TRPM3: variants seen among roughly 807,000 people sequenced by gnomAD.
TRPM3 encodes long transient receptor potential channel 3.
Under a neutral mutation model 181.2 loss-of-function variants are expected in TRPM3, and 77 were observed. The ratio of observed to expected loss-of-function variants is 0.42; its 90% CI spans 0.35 to 0.51. The LOEUF (loss-of-function observed/expected upper bound fraction) is 0.51. Ranked by LOEUF, TRPM3 falls within the 20% of genes least tolerant of loss-of-function variation. TRPM3 has a pLI of 0.01. For synonymous variants in TRPM3, 745 were observed against 796.4 expected, an observed-to-expected ratio of 0.94 and a Z score of 1.09; for missense variants, 1,759 against 2,196.7, an observed-to-expected ratio of 0.80 and a Z score of 3.98.
At chr9:70,989,416 A>G (rs960645117) in intron 1 of TRPM3, among the ~76,000 whole-genome samples, 3 of 152,166 alleles carry the variant, frequency 2.0e-5, no homozygotes, top group Non-Finnish European at 4.4e-5. Context: ...CAACCTTCCT[A>G]TCTTGCCCAC....
At chr9:70,701,246 T>C (rs1327067719) in intron 8 of TRPM3, among the ~76,000 whole-genome samples, 3 of 152,248 alleles carry the variant, frequency 2.0e-5, no homozygotes, top group Admixed American at 2.0e-4. Context: ...TCTTTTGTTG[T>C]GACTTAGCGA....
intron 1 of TRPM3, among the ~76,000 whole-genome samples, chr9:70,932,505 G>T (rs555970623): frequency 6.6e-6 from 1 of 152,260 alleles, no homozygotes; most frequent in East Asian, 1.9e-4. Flanking sequence ...GTATTTGAAT[G>T]AATAATTAAG....
chr9:71,209,583 T>TGA (rs1284129960), intron 1 of TRPM3, among the ~76,000 whole-genome samples: 1 of 152,174 alleles, frequency 6.6e-6, no homozygotes, highest in Non-Finnish European at 1.5e-5. Context: ...TGGCAAAATT[T>TGA]GAGAGAGAGG....
At chr9:71,229,426 T>C (rs540422633) in intron 1 of TRPM3, among the ~76,000 whole-genome samples, 1 of 152,212 alleles carries the variant, frequency 6.6e-6, no homozygotes. Flanking sequence ...TCTTGAGTAA[T>C]ACCCCACAAG....
intron 1 of TRPM3, among the ~76,000 whole-genome samples, chr9:70,930,063 A>G (rs2096760341): frequency 6.6e-6 from 1 of 152,222 alleles, no homozygotes; most frequent in African/African-American, 2.4e-5. Flanking sequence ...GGTAGTGAAT[A>G]GTGGAGTTCG....
intron 22 of TRPM3, among the ~76,000 whole-genome samples, chr9:70,559,938 T>C (rs1299350402): frequency 9.2e-5 from 14 of 152,202 alleles, no homozygotes; most frequent in Admixed American, 9.2e-4. Context: ...CTGAGGACCC[T>C]GCCCCCTGTG....
At chr9:71,006,543 C>T (rs1462973805) in intron 1 of TRPM3, among the ~76,000 whole-genome samples, 1 of 152,024 alleles carries the variant, frequency 6.6e-6, no homozygotes, top group Non-Finnish European at 1.5e-5. Context: ...AGCAAAATCC[C>T]CACAGGAGAA....
chr9:70,821,036 C>T (rs903587503), intron 6 of TRPM3, among the ~76,000 whole-genome samples: 7 of 152,130 alleles, frequency 4.6e-5, no homozygotes, highest in Middle Eastern at 6.8e-3. Flanking sequence ...AGCTGAAAGT[C>T]GAATTTGCAA....
rs754270839 is a variant in TRPM3, at chr9:71,065,831, G to A, written c.177+55347C>T. Among the ~76,000 whole-genome samples, 54 of 152,160 alleles carry A rather than the reference G, an allele frequency of 3.5e-4. 1 individual carries two copies. Among genetic ancestry groups the A allele is most frequent in the Admixed American group, 1.2e-3 (18 of 15,268 alleles). The stretch of plus-strand genomic sequence containing the variant: ...TTCTTATCAGCTTTCTAAGTCCACA[G>A]TAGGAGAGCAGCAACACAATACGTG... On this transcript the variant is annotated intron_variant, in intron 1 of 25. Transcript: ENST00000677713.
At chr9:71,309,294 C>A (rs1319680262) in intron 1 of TRPM3, among the ~76,000 whole-genome samples, 2 of 152,100 alleles carry the variant, frequency 1.3e-5, no homozygotes, top group African/African-American at 2.4e-5. Context: ...GTATTCATGG[C>A]AGAATTTCTA....
chr9:71,089,556 T>C (rs2065862511), intron 1 of TRPM3, among the ~76,000 whole-genome samples: 1 of 151,380 alleles, frequency 6.6e-6, no homozygotes, highest in Admixed American at 6.6e-5. Flanking sequence ...TATAAAATAA[T>C]ATTTGGACAA....
At chr9:70,999,232 T>C (rs947116778) in intron 1 of TRPM3, among the ~76,000 whole-genome samples, 35 of 152,218 alleles carry the variant, frequency 2.3e-4, no homozygotes, top group Admixed American at 5.9e-4. Context: ...ATACTGTCTA[T>C]CCATCCGAAG....
At chr9:71,402,411 T>A (rs2093358597) in intron 1 of TRPM3, among the ~76,000 whole-genome samples, 1 of 152,194 alleles carries the variant, frequency 6.6e-6, no homozygotes, top group Admixed American at 6.5e-5. Context: ...TTGGTAACCC[T>A]TATCTTTAGT....
intron 1 of TRPM3, among the ~76,000 whole-genome samples, chr9:71,168,445 C>T (rs368692668): frequency 1.3e-5 from 2 of 150,360 alleles, no homozygotes; most frequent in South Asian, 2.1e-4. Context: ...TAAATCAGAA[C>T]CTCTGTTCAC....
intron 19 of TRPM3, among the ~76,000 whole-genome samples, chr9:70,608,438 A>AATT (rs1040535317): frequency 1.3e-5 from 2 of 152,206 alleles, no homozygotes; most frequent in Non-Finnish European, 2.9e-5. Flanking sequence ...CCATGGGTTG[A>AATT]ATTTGGCTCA....
In TRPM3 at chr9:70,619,013, C is replaced by T; in HGVS notation, c.2212G>A (p.Glu738Lys). The part of the protein sequence containing the change: ...EQLAMKLLTY[E>K]LKNWSNATCL... ...GTGGCGTTGCTCCAGTTCTTCAGCT[C>T]ATACGTCAGCAGTTTCATGGCCAGC... The change falls in exon 17 of 26, where the codon GAG becomes AAG. Residue 738 changes from glutamate (E) to lysine (K), a missense_variant. By Grantham distance (56) the Glu-to-Lys change is moderately conservative (BLOSUM62 1). Around this residue, in one of 8 missense-constraint regions of TRPM3, gnomAD observed 737 missense variants for 957.4 expected, o/e 0.77. Transcript: ENST00000677713. 3 of 1,614,212 alleles carry T rather than the reference C, an allele frequency of 1.9e-6. No homozygotes were observed. Among genetic ancestry groups the T allele is most frequent in the Non-Finnish European group, 2.5e-6 (3 of 1,180,042 alleles).
intron 1 of TRPM3, among the ~76,000 whole-genome samples, chr9:71,402,626 A>C (rs1361203242): frequency 6.6e-6 from 1 of 152,360 alleles, no homozygotes; most frequent in East Asian, 1.9e-4. Flanking sequence ...CCTATTTCTA[A>C]GAAATAAAAA....
chr9:70,664,650 T>G lies in TRPM3; in HGVS notation c.1345+16856A>C, dbSNP rs959571413. Among the ~76,000 whole-genome samples, 63 of 86,154 alleles carry G rather than the reference T, an allele frequency of 7.3e-4. No individual in the cohort carries two copies. The East Asian group carries it at 0.012, about 17-fold the overall frequency. 56.5% of individuals were successfully genotyped at this position (86,154 alleles called of 152,430 possible). A position where few individuals can be genotyped will look rare whatever the true frequency, so the allele number is the denominator to read the frequency against. ...CCCGATTAGGAGAGTAGTTTTTTTT[T>G]TTTTTTTTTTTTTTTTTTGAGACTG... On this transcript the variant is annotated intron_variant, in intron 9 of 25. Transcript: ENST00000677713.
At position 70,881,595 on chromosome 9, in the gene TRPM3, G is replaced by A. The variant is rs548521285; in HGVS notation, c.178-17084C>T. 1.3e-4 allele frequency among the ~76,000 whole-genome samples: 20 copies of A among 152,316 alleles called. No individual in the cohort carries two copies. The South Asian group carries it at 4.1e-3, about 32-fold the overall frequency. On this transcript the variant is annotated intron_variant, in intron 1 of 25. Transcript: ENST00000677713. ...GCTGTTGATAATTGAAGCCTCTTAA[G>A]TTTGGTAAGTACCATCGAGTGAGGT...
Sources: gnomAD v4.1 joint callset for allele counts (sites outside exome capture counted in the v4.1 genomes callset) on GRCh38, gnomAD v4.1.1 for gene constraint, gnomAD v4.1.1 regional missense constraint, MANE v1.5 for transcripts, NCBI Gene and HGNC (gene_info 2026-07-23, HGNC 2026-07-21) for gene names.